Variants in SLC8A1 observed in about 807,000 individuals in gnomAD.
SLC8A1 encodes the protein solute carrier family 8 member A1.
Under a neutral mutation model 68.3 loss-of-function variants are expected in SLC8A1, and 18 were observed. That is an observed-to-expected ratio of 0.26 (90% confidence interval 0.18 to 0.39). The LOEUF (loss-of-function observed/expected upper bound fraction) is 0.39, where lower values mean the gene tolerates loss of function less well. SLC8A1 is among the 10% of genes least tolerant of loss of function. The pLI is 1.00. For synonymous variants in SLC8A1, 475 were observed against 415.5 expected, an observed-to-expected ratio of 1.14 and a Z score of -1.74; for missense variants, 985 against 1,156.7, an observed-to-expected ratio of 0.85 and a Z score of 2.15.
chr2:40,471,218 A>T lies in SLC8A1; in HGVS notation c.-24-40914T>A, dbSNP rs560467790. ...GTATTGATAACTTTATTTTATAGGG[A>T]AGAAAAAACTTCATGTCATTCAGCT... is the stretch of plus-strand genomic sequence containing the variant. On this transcript the variant is annotated intron_variant, in intron 1 of 7. Transcript: ENST00000402441. Among the ~76,000 whole-genome samples the T allele has an allele frequency of 1.1e-4, 17 of 152,288 alleles. No individual in the cohort carries two copies. The South Asian group carries it at 3.5e-3, about 32-fold the overall frequency.
chr2:40,339,613 T>C (rs1266239088), intron 2 of SLC8A1, among the ~76,000 whole-genome samples: 1 of 152,200 alleles, frequency 6.6e-6, no homozygotes, highest in Non-Finnish European at 1.5e-5. Flanking sequence ...TTAACTAATA[T>C]AGGTTATGAA....
At chr2:40,449,870 G>A (rs533216342) in intron 1 of SLC8A1, among the ~76,000 whole-genome samples, 3 of 152,102 alleles carry the variant, frequency 2.0e-5, no homozygotes, top group Non-Finnish European at 2.9e-5. Context: ...TGTTGCTGTT[G>A]TTTTTCTAGG....
At chr2:40,481,113 G>A (rs1019777223) in intron 1 of SLC8A1, among the ~76,000 whole-genome samples, 2 of 152,180 alleles carry the variant, frequency 1.3e-5, no homozygotes, top group South Asian at 4.1e-4. Context: ...TCTTGTGTGT[G>A]TTTATGTGTA....
intron 2 of SLC8A1, among the ~76,000 whole-genome samples, chr2:40,215,908 A>G (rs2057398326): frequency 6.6e-6 from 1 of 152,052 alleles, no homozygotes. Context: ...GTTTTTTCAT[A>G]ATCCTACCAA....
intron 2 of SLC8A1, among the ~76,000 whole-genome samples, chr2:40,428,188 C>T (rs1559638403): frequency 6.6e-6 from 1 of 151,770 alleles, no homozygotes; most frequent in Non-Finnish European, 1.5e-5. Flanking sequence ...AAACTGTGTC[C>T]CATCACTCAT....
At chr2:40,250,719 T>C (rs1160015760) in intron 2 of SLC8A1, among the ~76,000 whole-genome samples, 1 of 152,194 alleles carries the variant, frequency 6.6e-6, no homozygotes, top group Non-Finnish European at 1.5e-5. Flanking sequence ...TAACCCACAT[T>C]TACCCATGAG....
At chr2:40,267,546 T>C (rs2065499063) in intron 2 of SLC8A1, among the ~76,000 whole-genome samples, 1 of 152,196 alleles carries the variant, frequency 6.6e-6, no homozygotes, top group Non-Finnish European at 1.5e-5. Context: ...TTGTAAGCTT[T>C]GTGAAAGCAG....
chr2:40,375,829 C>T (rs1014304403), intron 2 of SLC8A1, among the ~76,000 whole-genome samples: 4 of 151,976 alleles, frequency 2.6e-5, no homozygotes, highest in Non-Finnish European at 5.9e-5. Context: ...ACAGGGAAAC[C>T]CTGCCTCTAT....
chr2:40,320,752 A>G (rs935055514), intron 2 of SLC8A1, among the ~76,000 whole-genome samples: 14 of 152,192 alleles, frequency 9.2e-5, no homozygotes, highest in African/African-American at 3.1e-4. Context: ...AATATTTCCT[A>G]AACTTAATCT....
intron 2 of SLC8A1, among the ~76,000 whole-genome samples, chr2:40,268,381 T>A (rs72939210): frequency 1.3e-4 from 20 of 152,072 alleles, no homozygotes; most frequent in Admixed American, 1.3e-3. Flanking sequence ...TTGAGAAACA[T>A]TGAACTAGGT....
intron 1 of SLC8A1, among the ~76,000 whole-genome samples, chr2:40,467,094 G>A (rs1222666097): frequency 1.3e-5 from 2 of 152,084 alleles, no homozygotes; most frequent in Non-Finnish European, 2.9e-5. Context: ...TAAAGCCTCT[G>A]TAGAAAGGAC....
intron 2 of SLC8A1, among the ~76,000 whole-genome samples, chr2:40,304,475 G>T (rs908750835): frequency 3.3e-5 from 5 of 152,118 alleles, no homozygotes; most frequent in African/African-American, 1.2e-4. Context: ...ATGAACCTGA[G>T]CCACCCAGAC....
At chr2:40,487,004 G>T (rs1158263294) in intron 1 of SLC8A1, among the ~76,000 whole-genome samples, 1 of 151,446 alleles carries the variant, frequency 6.6e-6, no homozygotes. Flanking sequence ...GAACACTTGG[G>T]CACAGGGCGG....
At chr2:40,126,369 GGATCTTACTGT>G (rs2038095500) in intron 7 of SLC8A1, among the ~76,000 whole-genome samples, 1 of 152,090 alleles carries the variant, frequency 6.6e-6, no homozygotes, top group Non-Finnish European at 1.5e-5. Context: ...TTAACCACTG[GGATCTTACTGT>G]GATCATTTGT....
At chr2:40,511,992 A>C (rs1706760396) in intron 1 of SLC8A1, among the ~76,000 whole-genome samples, 2 of 152,264 alleles carry the variant, frequency 1.3e-5, no homozygotes, top group Admixed American at 6.5e-5. Flanking sequence ...CTAGCCTAAA[A>C]TACACAGTGA....
At chr2:40,204,033 A>G (rs370810929) in intron 2 of SLC8A1, among the ~76,000 whole-genome samples, 1 of 151,984 alleles carries the variant, frequency 6.6e-6, no homozygotes, top group Non-Finnish European at 1.5e-5. Flanking sequence ...GTTGAAAACA[A>G]TTTTACAAAC....
At chr2:40,264,738 T>C (rs945172259) in intron 2 of SLC8A1, among the ~76,000 whole-genome samples, 3 of 152,144 alleles carry the variant, frequency 2.0e-5, no homozygotes, top group Non-Finnish European at 4.4e-5. Flanking sequence ...TTAGGAGATA[T>C]ACCTAATGTT....
In SLC8A1 at chr2:40,243,817, G is replaced by C. The variant is rs115924176; in HGVS notation, c.1809-65962C>G. Among the ~76,000 whole-genome samples the C allele has an allele frequency of 7.4e-3, 1,122 of 152,278 alleles. 6 individuals are homozygous for C. The highest frequency in any genetic ancestry group is 0.012 in the Non-Finnish European group (807 of 68,026). ...TTTTTTTCCTGACAAATATTCAAGT[G>C]GGGGAGGAATTCCATGTGAATGCTC... On this transcript the variant is annotated intron_variant, in intron 2 of 7. Transcript: ENST00000406785.
intron 1 of SLC8A1, among the ~76,000 whole-genome samples, chr2:40,430,651 T>C (rs1698071890): frequency 6.6e-6 from 1 of 152,222 alleles, no homozygotes. Context: ...CATTTATGCA[T>C]GCTAATAGCC....
Sources: allele counts gnomAD v4.1 joint callset (sites outside exome capture counted in the v4.1 genomes callset), GRCh38; gene constraint gnomAD v4.1.1; transcripts MANE v1.5; gene names NCBI Gene and HGNC (gene_info 2026-07-23, HGNC 2026-07-21).